MANBA: variants seen among roughly 807,000 people sequenced by gnomAD.
The protein encoded by MANBA is mannosidase beta.
A neutral mutation model predicts 111.1 loss-of-function variants in MANBA; 83 were observed. The observed-to-expected ratio is 0.75, with a 90% confidence interval of 0.63 to 0.90. The LOEUF (loss-of-function observed/expected upper bound fraction) is 0.90, where lower values mean the gene tolerates loss of function less well. Ranked by LOEUF, MANBA falls within the 40% of genes least tolerant of loss-of-function variation. MANBA has a pLI of 0.00. For synonymous variants in MANBA, 370 were observed against 378.7 expected, an observed-to-expected ratio of 0.98 and a Z score of 0.27; for missense variants, 1,036 against 1,069.0, an observed-to-expected ratio of 0.97 and a Z score of 0.43.
At chr4:102,754,873 T>C (rs1041525124) in intron 1 of MANBA, among the ~76,000 whole-genome samples, 1 of 152,130 alleles carries the variant, frequency 6.6e-6, no homozygotes, top group Admixed American at 6.6e-5. Flanking sequence ...TTAAGCTGTA[T>C]ATTTAATACT....
chr4:102,647,628 T>C (rs981613524), intron 13 of MANBA, among the ~76,000 whole-genome samples: 1 of 152,046 alleles, frequency 6.6e-6, no homozygotes, highest in East Asian at 1.9e-4. Flanking sequence ...GAGTATTATC[T>C]GTGGAAAACT....
intron 5 of MANBA, among the ~76,000 whole-genome samples, chr4:102,703,235 A>T (rs1733142889): frequency 6.6e-6 from 1 of 152,234 alleles, no homozygotes; most frequent in African/African-American, 2.4e-5. Context: ...GGCTCAAGTA[A>T]TCCTCCTGAA....
Position 102,634,771 on chromosome 4 carries a change from C to T in MANBA, c.2415+17G>A, listed in dbSNP as rs2110188340. 6.2e-7 allele frequency: 1 copy of T among 1,612,870 alleles called. No individual in the cohort carries two copies. Among genetic ancestry groups the T allele is most frequent in the African/African-American group, 1.3e-5 (1 of 75,024 alleles). Reference sequence around the variant, plus strand: ...CAAGGCCACAGTCCCCTGCCCTCCGCCATGACCTGTGCTTACAGTGATCTG... The same window carrying T: ...CAAGGCCACAGTCCCCTGCCCTCCGTCATGACCTGTGCTTACAGTGATCTG... On this transcript the variant is annotated intron_variant, in intron 16 of 16. Coordinates refer to ENST00000647097, the MANE Select transcript of MANBA (RefSeq NM_005908.4).
chr4:102,741,419 C>T (rs1046353078), intron 1 of MANBA, among the ~76,000 whole-genome samples: 6 of 152,132 alleles, frequency 3.9e-5, no homozygotes, highest in African/African-American at 1.4e-4. Flanking sequence ...ACCATTGATC[C>T]AGCAATCCCA....
Position 102,746,530 on chromosome 4 carries a change from T to G in MANBA, c.177+14188A>C, listed in dbSNP as rs556556828. Among the ~76,000 whole-genome samples, 8 of 152,344 alleles carry G rather than the reference T, an allele frequency of 5.3e-5. No homozygotes were observed. In the South Asian group the frequency reaches 1.7e-3, roughly 32 times the overall value. On this transcript the variant is annotated intron_variant, in intron 1 of 16. Transcript: ENST00000647097. ...CCAGCTTTATTATGTTCCTTGGTTC[T>G]CCACATATGGTCAAAGGTATTATGT...
At chr4:102,690,420 C>G (rs1403792520) in intron 6 of MANBA, among the ~76,000 whole-genome samples, 176 bp downstream of exon 6, 1 of 152,046 alleles carries the variant, frequency 6.6e-6, no homozygotes. Flanking sequence ...TTGGGAAAAT[C>G]ATTCTTTAGC....
chr4:102,697,490 A>C, intron 5 of MANBA, among the ~76,000 whole-genome samples: 1 of 145,172 alleles, frequency 6.9e-6, no homozygotes, highest in Admixed American at 6.8e-5. Flanking sequence ...TATATCTCCC[A>C]ATGCTATCCC....
chr4:102,754,967 A>G (rs1429649701), intron 1 of MANBA, among the ~76,000 whole-genome samples: 1 of 152,216 alleles, frequency 6.6e-6, no homozygotes, highest in Non-Finnish European at 1.5e-5. Context: ...AATGAAATAA[A>G]AGAGAACACA....
chr4:102,671,494 T>TA lies in MANBA; in HGVS notation c.1113-97dup, dbSNP rs915562988. The TA allele has an allele frequency of 1.3e-5, 10 of 749,000 alleles. No individual in the cohort carries two copies. In the African/African-American group the frequency reaches 1.6e-4, roughly 12 times the overall value. The allele number at this position is 749,000 out of a possible 1,614,324, so 46.4% of individuals were successfully genotyped here. A position where few individuals can be genotyped will look rare whatever the true frequency, so the allele number is the denominator to read the frequency against. The stretch of plus-strand genomic sequence containing the variant: ...TCTAATCTGTTAGAAAAACACACTC[T>TA]AAAATCATGATGGTTTGGTTACAAT... On this transcript the variant is annotated intron_variant, in intron 8 of 16. Coordinates refer to ENST00000647097, the MANE Select transcript of MANBA (RefSeq NM_005908.4).
intron 13 of MANBA, among the ~76,000 whole-genome samples, chr4:102,647,269 A>G (rs1488966208): frequency 6.8e-6 from 1 of 147,818 alleles, no homozygotes; most frequent in Non-Finnish European, 1.5e-5. Context: ...GAAAGTGCCA[A>G]GGTAGACACT....
intron 5 of MANBA, among the ~76,000 whole-genome samples, chr4:102,691,340 C>A (rs1470308963): frequency 6.6e-6 from 1 of 151,848 alleles, no homozygotes; most frequent in African/African-American, 2.4e-5. Flanking sequence ...TAAATGGTGA[C>A]CAGGATAAAC....
At chr4:102,757,058 G>A (rs1330708412) in intron 1 of MANBA, among the ~76,000 whole-genome samples, 1 of 151,988 alleles carries the variant, frequency 6.6e-6, no homozygotes, top group Non-Finnish European at 1.5e-5. Flanking sequence ...GGCCAGGCAC[G>A]GTGGCTCATG....
At chr4:102,659,055 A>T in intron 11 of MANBA, 1 of 152,174 alleles carries the variant, frequency 6.6e-6, no homozygotes, top group East Asian at 1.9e-4. Flanking sequence ...AGAGACAGAG[A>T]AAGAGAGAGA....
intron 13 of MANBA, among the ~76,000 whole-genome samples, chr4:102,644,768 A>G (rs1197196705): frequency 6.6e-6 from 1 of 152,172 alleles, no homozygotes; most frequent in Non-Finnish European, 1.5e-5. Flanking sequence ...AAGTGTTCTC[A>G]CTACAAAAAA....
At chr4:102,639,643 G>C (rs1174039074) in intron 14 of MANBA, 70 bp downstream of exon 14, 1 of 1,597,408 alleles carries the variant, frequency 6.3e-7, no homozygotes, top group Admixed American at 1.7e-5. Flanking sequence ...CTCCAGCACT[G>C]TGCTTTCTCA....
At chr4:102,713,408 C>T (rs1347306638) in intron 5 of MANBA, among the ~76,000 whole-genome samples, 1 of 152,158 alleles carries the variant, frequency 6.6e-6, no homozygotes, top group Non-Finnish European at 1.5e-5. Context: ...TGTATCTCCC[C>T]TCCCCACACA....
intron 1 of MANBA, chr4:102,730,293 T>A (rs1346821412): frequency 1.8e-6 from 1 of 544,870 alleles, no homozygotes; most frequent in Non-Finnish European, 3.2e-6. Context: ...CCGGAGGAAT[T>A]TACAAGAGGG....
At chr4:102,681,609 A>T (rs1731980622) in intron 7 of MANBA, 1 of 152,238 alleles carries the variant, frequency 6.6e-6, no homozygotes, top group African/African-American at 2.4e-5. Flanking sequence ...CATAAAAATA[A>T]CTCCAAGAGA....
chr4:102,715,448 G>T (rs1382146433), intron 4 of MANBA, among the ~76,000 whole-genome samples: 1 of 152,090 alleles, frequency 6.6e-6, no homozygotes, highest in East Asian at 1.9e-4. Context: ...TAAATGTTTT[G>T]TTTATATTAT....
Sources: gnomAD v4.1 joint callset for allele counts (sites outside exome capture counted in the v4.1 genomes callset) on GRCh38, gnomAD v4.1.1 for gene constraint, MANE v1.5 for transcripts, NCBI Gene and HGNC (gene_info 2026-07-23, HGNC 2026-07-21) for gene names.